Variants in ZNF37A observed in about 807,000 individuals in gnomAD.
The protein encoded by ZNF37A is zinc finger protein 37A, also known as zinc finger protein 37a (KOX 21).
Under a neutral mutation model 12.3 loss-of-function variants are expected in ZNF37A, and 10 were observed. That is an observed-to-expected ratio of 0.82 (90% CI 0.50 to 1.38). ZNF37A has a LOEUF of 1.38. Ranked by LOEUF, ZNF37A falls within the 40% of genes most tolerant of loss-of-function variation. The probability of loss-of-function intolerance (pLI) is 0.00; values close to 1 mark genes in which losing one functional copy is unlikely to be tolerated. For synonymous variants in ZNF37A, 207 were observed against 223.0 expected, an observed-to-expected ratio of 0.93 and a Z score of 0.64; for missense variants, 580 against 651.2, an observed-to-expected ratio of 0.89 and a Z score of 1.19.
chr10:38,099,326 T>C (rs1183048866), intron 5 of ZNF37A, among the ~76,000 whole-genome samples: 3 of 152,240 alleles, frequency 2.0e-5, no homozygotes, highest in African/African-American at 4.8e-5. Flanking sequence ...CTACTTTCTG[T>C]TCTATGAGTT....
At chr10:38,115,865 A>C (rs1050150637) in intron 7 of ZNF37A, among the ~76,000 whole-genome samples, 5 of 151,966 alleles carry the variant, frequency 3.3e-5, no homozygotes, top group African/African-American at 1.2e-4. Flanking sequence ...CCTGGGCAAA[A>C]TAAGAAGACC....
intron 5 of ZNF37A, among the ~76,000 whole-genome samples, chr10:38,112,333 C>T (rs1322320081): frequency 1.3e-5 from 2 of 152,026 alleles, no homozygotes; most frequent in Non-Finnish European, 2.9e-5. Context: ...CCAAGCTTCT[C>T]CTGTCCTAGG....
chr10:38,099,027 C>G (rs575554730), intron 5 of ZNF37A, among the ~76,000 whole-genome samples: 1 of 152,166 alleles, frequency 6.6e-6, no homozygotes, highest in East Asian at 1.9e-4. Context: ...ATTTTTATTT[C>G]TTTCCAATTT....
intron 5 of ZNF37A, among the ~76,000 whole-genome samples, chr10:38,112,931 C>T (rs1490711227): frequency 6.6e-6 from 1 of 152,000 alleles, no homozygotes; most frequent in African/African-American, 2.4e-5. Context: ...TCTCAGCCTC[C>T]CGAGTAGCTG....
intron 5 of ZNF37A, among the ~76,000 whole-genome samples, chr10:38,110,125 G>A (rs1251141281): frequency 6.6e-6 from 1 of 152,128 alleles, no homozygotes; most frequent in African/African-American, 2.4e-5. Flanking sequence ...AAACAGCATG[G>A]TACTGGTACC....
At chr10:38,100,287 C>T (rs954927718) in intron 5 of ZNF37A, among the ~76,000 whole-genome samples, 6 of 152,166 alleles carry the variant, frequency 3.9e-5, no homozygotes, top group African/African-American at 1.2e-4. Context: ...GCACCATTGT[C>T]ATTGATAACA....
At chr10:38,095,988 C>T (rs755751285) in intron 4 of ZNF37A, among the ~76,000 whole-genome samples, 184 bp downstream of exon 4, 18 of 152,034 alleles carry the variant, frequency 1.2e-4, no homozygotes, top group Non-Finnish European at 2.4e-4. Context: ...AGTTCGAGAC[C>T]AGCCTGGCCA....
intron 7 of ZNF37A, chr10:38,143,528 C>T (rs1590952161): frequency 6.6e-6 from 1 of 152,180 alleles, no homozygotes; most frequent in East Asian, 1.9e-4. Flanking sequence ...ACCCTAATTA[C>T]CTGTTCTCTC....
At chr10:38,117,015 A>G (rs2069319468) in intron 7 of ZNF37A, 1 of 208,346 alleles carries the variant, frequency 4.8e-6, no homozygotes, top group Non-Finnish European at 8.4e-6. Context: ...AGGTTGAGGC[A>G]TGGGAATCAC....
rs570737879 is a variant in ZNF37A at position 38,150,042 on chromosome 10, A to G, written c.*3222A>G. 48 of 152,404 alleles carry G rather than the reference A, an allele frequency of 3.1e-4. 2 individuals carry two copies. The highest frequency in any genetic ancestry group is 1.1e-3 in the African/African-American group (44 of 41,568). 9.4% of individuals were successfully genotyped at this position (152,404 alleles called of 1,614,324 possible). A position where few individuals can be genotyped will look rare whatever the true frequency, so the allele number is the denominator to read the frequency against. On this transcript the variant is annotated 3_prime_UTR_variant, in exon 8 of 8. Coordinates refer to the ZNF37A transcript ENST00000638053. ...TCCTGAATAGAGGTTGAATGTTGTG[A>G]TAAGTTTCACTGTGACTCCTCATCT...
exon 8 of ZNF37A, chr10:38,147,054 A>C (rs1408833173): frequency 3.5e-6 from 1 of 283,444 alleles, no homozygotes; most frequent in East Asian, 5.9e-5. Context: ...ATCTGCAGCA[A>C]AAACATGTTG....
intron 7 of ZNF37A, chr10:38,137,655 C>T (rs1384748387): frequency 6.6e-6 from 1 of 152,136 alleles, no homozygotes; most frequent in Non-Finnish European, 1.5e-5. Context: ...GTTATGGACC[C>T]CAATGCCACA....
At chr10:38,099,234 C>CA (rs2067374656) in intron 5 of ZNF37A, among the ~76,000 whole-genome samples, 1 of 152,148 alleles carries the variant, frequency 6.6e-6, no homozygotes, top group South Asian at 2.1e-4. Flanking sequence ...AGAACTTTTT[C>CA]ATCTTGGAAA....
At position 38,122,843 on chromosome 10, in the gene ZNF37A, ATCT is replaced by A. The variant is rs1422145401; in HGVS notation, c.*4010_*4012del. 6.6e-6 allele frequency: 1 copy of A among 152,224 alleles called. No individual in the cohort carries two copies. Among genetic ancestry groups the A allele is most frequent in the African/African-American group, 2.4e-5 (1 of 41,464 alleles). The allele number at this position is 152,224 out of a possible 1,614,324, so 9.4% of individuals were successfully genotyped here. On this transcript the variant is annotated 3_prime_UTR_variant, in exon 8 of 8. Transcript: ENST00000685332. ...CAAATGGGATCACATCAAGTTAAAA[ATCT>A]TCTGCATTGCAAAGGAAATAACAAA... is the stretch of plus-strand genomic sequence containing the variant.
intron 5 of ZNF37A, among the ~76,000 whole-genome samples, chr10:38,106,130 G>T (rs1233148463): frequency 6.6e-5 from 10 of 152,068 alleles, no homozygotes; most frequent in African/African-American, 2.2e-4. Flanking sequence ...TTGTATATGT[G>T]CTTTATTATG....
intron 5 of ZNF37A, among the ~76,000 whole-genome samples, chr10:38,113,416 T>C (rs986703844): frequency 2.0e-5 from 3 of 152,054 alleles, no homozygotes; most frequent in Non-Finnish European, 2.9e-5. Flanking sequence ...TTTTACCATG[T>C]TGGCCAGGCT....
At chr10:38,095,997 C>G (rs566382960) in intron 4 of ZNF37A, among the ~76,000 whole-genome samples, 193 bp downstream of exon 4, 13 of 152,028 alleles carry the variant, frequency 8.6e-5, no homozygotes, top group African/African-American at 3.1e-4. Context: ...CCAGCCTGGC[C>G]AACATGGTGA....
chr10:38,110,432 C>T (rs532881176), intron 5 of ZNF37A, among the ~76,000 whole-genome samples: 1 of 152,242 alleles, frequency 6.6e-6, no homozygotes, highest in Non-Finnish European at 1.5e-5. Context: ...ATGGGCAAAA[C>T]TTCATGACTA....
At chr10:38,115,003 AATTTATCCCTTTTGGATAC>A (rs2069132592) in intron 6 of ZNF37A, 122 bp downstream of exon 6, 1 of 1,373,986 alleles carries the variant, frequency 7.3e-7, no homozygotes, top group Non-Finnish European at 9.9e-7. Context: ...GGTCAAGGAC[AATTTATCCCTTTTGGATAC>A]CAGAAAGAAT....
Sources: gnomAD v4.1 joint callset for allele counts (sites outside exome capture counted in the v4.1 genomes callset) on GRCh38, gnomAD v4.1.1 for gene constraint, MANE v1.5 for transcripts, NCBI Gene and HGNC (gene_info 2026-07-23, HGNC 2026-07-21) for gene names.